Variants in SEMA3C observed in about 807,000 individuals in gnomAD.
The protein encoded by SEMA3C is semaphorin 3C.
SEMA3C carries 47 observed loss-of-function variants against 89.4 expected under a neutral mutation model. The ratio of observed to expected loss-of-function variants is 0.53; its 90% confidence interval spans 0.42 to 0.67. The LOEUF is 0.67. Among genes scored for constraint, SEMA3C ranks in the 30% least tolerant of loss-of-function variants. The pLI is 0.00. For missense variants in SEMA3C, 839 were observed against 929.1 expected, an observed-to-expected ratio of 0.90 and a Z score of 1.26; for synonymous variants, 310 against 320.2, an observed-to-expected ratio of 0.97 and a Z score of 0.34.
At chr7:80,746,247 A>C (rs1259599520) in intron 17 of SEMA3C, among the ~76,000 whole-genome samples, 2 of 152,172 alleles carry the variant, frequency 1.3e-5, no homozygotes, top group Admixed American at 6.5e-5. Flanking sequence ...TAATATCTAA[A>C]TCAAAGATGA....
chr7:80,749,955 T>C (rs1358085480), intron 16 of SEMA3C, among the ~76,000 whole-genome samples: 1 of 152,176 alleles, frequency 6.6e-6, no homozygotes, highest in African/African-American at 2.4e-5. Context: ...GATACACTTT[T>C]ATAAAATAGC....
chr7:80,909,965 T>TA, intron 2 of SEMA3C, among the ~76,000 whole-genome samples: 1 of 152,272 alleles, frequency 6.6e-6, no homozygotes. Context: ...TAAGGTATGT[T>TA]AAAGCTACAG....
At chr7:80,754,202 G>T (rs1297223941) in intron 15 of SEMA3C, among the ~76,000 whole-genome samples, 1 of 152,190 alleles carries the variant, frequency 6.6e-6, no homozygotes, top group Non-Finnish European at 1.5e-5. Context: ...CTCGCAAAGT[G>T]CTGGGATTAC....
At chr7:80,921,221 T>A (rs1792402978), upstream of SEMA3C, among the ~76,000 whole-genome samples, 1 of 152,184 alleles carries the variant, frequency 6.6e-6, no homozygotes, top group South Asian at 2.1e-4. Context: ...GTGCCGAAAT[T>A]CCCTCAATAT....
At chr7:80,908,496 C>A (rs144647064) in intron 2 of SEMA3C, among the ~76,000 whole-genome samples, 1 of 152,194 alleles carries the variant, frequency 6.6e-6, no homozygotes, top group Non-Finnish European at 1.5e-5. Context: ...TCTTTGGCAA[C>A]TGACGCTAAC....
intron 5 of SEMA3C, among the ~76,000 whole-genome samples, chr7:80,811,533 C>T (rs1187042743): frequency 6.6e-6 from 1 of 151,358 alleles, no homozygotes; most frequent in Admixed American, 6.6e-5. Flanking sequence ...AGTACAAGCC[C>T]CCTACCAAAA....
intron 5 of SEMA3C, among the ~76,000 whole-genome samples, chr7:80,815,438 T>C (rs1789577309): frequency 6.6e-6 from 1 of 151,154 alleles, no homozygotes; most frequent in East Asian, 1.9e-4. Flanking sequence ...TTCAGCCTCC[T>C]ACTCTGAGAA....
At chr7:80,837,374 A>C (rs1017775607) in intron 2 of SEMA3C, among the ~76,000 whole-genome samples, 2 of 152,226 alleles carry the variant, frequency 1.3e-5, no homozygotes, top group Non-Finnish European at 2.9e-5. Flanking sequence ...TTGTTTCCTA[A>C]GTCGATATAC....
intron 2 of SEMA3C, among the ~76,000 whole-genome samples, chr7:80,856,566 G>T (rs1790646767): frequency 6.9e-6 from 1 of 145,888 alleles, no homozygotes; most frequent in Non-Finnish European, 1.5e-5. Context: ...AACTAGGTTG[G>T]AATAGGAATT....
At position 80,856,906 on chromosome 7, in the gene SEMA3C, T is replaced by A. The variant is rs1416198259; in HGVS notation, c.104-28161A>T. On this transcript the variant is annotated intron_variant, in intron 2 of 17. Coordinates refer to ENST00000265361, the MANE Select transcript of SEMA3C (RefSeq NM_006379.5). The stretch of plus-strand genomic sequence containing the variant: ...TATCATCCTAAATGGACATTCCATT[T>A]GCCTCCCCCATGATTTGGAATGAAA... Among the ~76,000 whole-genome samples the A allele has an allele frequency of 3.3e-5, 5 of 152,228 alleles. No individual in the cohort carries two copies. The East Asian group carries it at 9.7e-4, about 29-fold the overall frequency.
chr7:80,891,669 A>T (rs1371610612), intron 2 of SEMA3C, among the ~76,000 whole-genome samples: 2 of 152,148 alleles, frequency 1.3e-5, no homozygotes, highest in Non-Finnish European at 2.9e-5. Flanking sequence ...AATGCAAATT[A>T]TTTTATTGAG....
chr7:80,750,127 T>A (rs1174916385), intron 16 of SEMA3C, among the ~76,000 whole-genome samples: 2 of 151,604 alleles, frequency 1.3e-5, no homozygotes, highest in African/African-American at 2.4e-5. Context: ...GAAATAGGAG[T>A]CTCACTGTTA....
At chr7:80,905,335 G>GGAGA (rs145855042) in intron 2 of SEMA3C, among the ~76,000 whole-genome samples, 4 of 118,950 alleles carry the variant, frequency 3.4e-5, no homozygotes, top group African/African-American at 1.0e-4. Flanking sequence ...GGGGAGGGGT[G>GGAGA]GAGAGAGAGA....
chr7:80,846,176 C>G (rs1002524907), intron 2 of SEMA3C, among the ~76,000 whole-genome samples: 1 of 152,148 alleles, frequency 6.6e-6, no homozygotes, highest in East Asian at 1.9e-4. Context: ...TAAACACAGC[C>G]CTTCATGACC....
chr7:80,818,380 G>A lies in SEMA3C; in HGVS notation c.366C>T (p.Phe122=). The change falls in exon 5 of 18, where the codon TTC becomes TTT. Residue 122 remains phenylalanine (F), a synonymous_variant. Transcript: ENST00000265361. ...CGNFVRVIQT[F]NRTHLYVCGS... ...CACAGACATACAAATGTGTGCGATT[G>A]AAAGTCTGAATTACACGGACAAAGT... The A allele has an allele frequency of 1.2e-6, 2 of 1,613,400 alleles. No homozygotes were observed. Among genetic ancestry groups the A allele is most frequent in the Middle Eastern group, 1.7e-4 (1 of 6,056 alleles).
rs76993885 is a variant in SEMA3C, at chr7:80,818,416, G to T, written c.330C>A (p.His110Gln). 9 of 1,612,286 alleles carry T rather than the reference G, an allele frequency of 5.6e-6. No homozygotes were observed. The African/African-American group carries it at 6.7e-5, about 12-fold the overall frequency. Residue 110 changes from histidine (H) to glutamine (Q), a missense_variant and splice_region_variant, in exon 5 of 18, where the codon CAC becomes CAA. Coordinates refer to ENST00000265361, the MANE Select transcript of SEMA3C (RefSeq NM_006379.5). ...ECKMAGKDPT[H>Q]GCGNFVRVIQ... is the part of the protein sequence containing the mutation. ...TTACACGGACAAAGTTCCCACAGCC[G>T]TGCTAAAAGAATCAGTAAATAAGCA...
At chr7:80,828,240 G>A (rs1309464542) in intron 3 of SEMA3C, among the ~76,000 whole-genome samples, 1 of 151,694 alleles carries the variant, frequency 6.6e-6, no homozygotes, top group East Asian at 1.9e-4. Context: ...TTCCTTTCAG[G>A]CCCTTCACTG....
intron 2 of SEMA3C, among the ~76,000 whole-genome samples, chr7:80,870,323 C>T (rs924393655): frequency 1.4e-5 from 2 of 148,114 alleles, no homozygotes; most frequent in African/African-American, 5.2e-5. Context: ...ATTAACCATA[C>T]TGACTTTTTA....
At chr7:80,880,977 A>G (rs1465439130) in intron 2 of SEMA3C, among the ~76,000 whole-genome samples, 1 of 152,040 alleles carries the variant, frequency 6.6e-6, no homozygotes. Flanking sequence ...GAAATACCTC[A>G]TCATACCCTT....
Sources: allele counts gnomAD v4.1 joint callset (sites outside exome capture counted in the v4.1 genomes callset), GRCh38; gene constraint gnomAD v4.1.1; transcripts MANE v1.5; gene names NCBI Gene and HGNC (gene_info 2026-07-23, HGNC 2026-07-21).